NF1: variants seen among roughly 807,000 people sequenced by gnomAD.
NF1 encodes neurofibromin 1.
A neutral mutation model predicts 325.7 loss-of-function variants in NF1; 122 were observed. The ratio of observed to expected loss-of-function variants is 0.37; its 90% CI spans 0.32 to 0.44. NF1 has a LOEUF of 0.44. NF1 is among the 20% of genes least tolerant of loss of function. The probability of loss-of-function intolerance (pLI) is 1.00; values close to 1 mark genes in which losing one functional copy is unlikely to be tolerated. For missense variants in NF1, 2,140 were observed against 3,415.4 expected, an observed-to-expected ratio of 0.63 and a Z score of 9.31; for synonymous variants, 1,091 against 1,186.0, an observed-to-expected ratio of 0.92 and a Z score of 1.65.
At chr17:31,154,583 C>T (rs758387205) in intron 1 of NF1, among the ~76,000 whole-genome samples, 13 of 151,982 alleles carry the variant, frequency 8.6e-5, no homozygotes, top group Non-Finnish European at 1.3e-4. Flanking sequence ...TATCTGTGCT[C>T]GTAAACAAAA....
intron 12 of NF1, among the ~76,000 whole-genome samples, chr17:31,209,464 CTGTCACTTA>C (rs2066684868): frequency 6.6e-6 from 1 of 152,260 alleles, no homozygotes; most frequent in African/African-American, 2.4e-5. Context: ...AATCATGTCT[CTGTCACTTA>C]CAGCCATCAC....
At chr17:31,267,689 G>A (rs1228318231) in intron 36 of NF1, among the ~76,000 whole-genome samples, 1 of 152,132 alleles carries the variant, frequency 6.6e-6, no homozygotes, top group Non-Finnish European at 1.5e-5. Flanking sequence ...TTTTTGAATT[G>A]TGGATTTTCT....
chr17:31,185,769 G>T (rs1279236433), intron 8 of NF1, among the ~76,000 whole-genome samples: 1 of 152,214 alleles, frequency 6.6e-6, no homozygotes, highest in Non-Finnish European at 1.5e-5. Flanking sequence ...GGTCCAGGCT[G>T]CTGTGCAAGC....
At chr17:31,354,821 C>T (rs1311918487) in intron 51 of NF1, among the ~76,000 whole-genome samples, 1 of 150,912 alleles carries the variant, frequency 6.6e-6, no homozygotes, top group Non-Finnish European at 1.5e-5. Context: ...GACCCTGTCT[C>T]AAAAAAAACA....
At chr17:31,332,172 A>G (rs1289521943) in intron 39 of NF1, among the ~76,000 whole-genome samples, 1 of 152,082 alleles carries the variant, frequency 6.6e-6, no homozygotes, top group Non-Finnish European at 1.5e-5. Flanking sequence ...GAAATGATTA[A>G]TATCCTTAAT....
chr17:31,285,118 TAATA>T (rs950519214), intron 36 of NF1, among the ~76,000 whole-genome samples: 23 of 151,224 alleles, frequency 1.5e-4, no homozygotes, highest in Non-Finnish European at 1.5e-5. Flanking sequence ...GACTCCATCT[TAATA>T]AATAAATAGC....
intron 36 of NF1, chr17:31,321,061 C>T (rs2069175546): frequency 6.6e-6 from 1 of 152,196 alleles, no homozygotes; most frequent in Non-Finnish European, 1.5e-5. Context: ...CTTGCCCTTA[C>T]AAATGCCTGA....
At chr17:31,337,627 T>TA in intron 43 of NF1, 45 bp downstream of exon 43, 1 of 1,556,024 alleles carries the variant, frequency 6.4e-7, no homozygotes, top group Non-Finnish European at 8.8e-7. Flanking sequence ...AATCTTTTTT[T>TA]AAAAATATGT....
chr17:31,225,279 C>A, intron 17 of NF1, 29 bp downstream of exon 17: 1 of 1,609,712 alleles, frequency 6.2e-7, no homozygotes, highest in South Asian at 1.1e-5. Flanking sequence ...TTTTCTGTAT[C>A]ATTTTATGTG....
intron 50 of NF1, 96 bp from the exon 51 acceptor site, chr17:31,352,161 G>A: frequency 1.8e-6 from 2 of 1,137,704 alleles, no homozygotes; most frequent in Non-Finnish European, 2.6e-6. Flanking sequence ...ATTGATTGCT[G>A]TTGTTAGGAA....
At chr17:31,171,524 C>T (rs2065928235) in intron 5 of NF1, among the ~76,000 whole-genome samples, 2 of 151,966 alleles carry the variant, frequency 1.3e-5, no homozygotes, top group African/African-American at 2.4e-5. Flanking sequence ...ATGTTCAATC[C>T]GTAATAATTA....
At position 31,271,058 on chromosome 17, in the gene NF1, C is replaced by T. The variant is rs147776640; in HGVS notation, c.4835+5719C>T. 9.4e-3 allele frequency among the ~76,000 whole-genome samples: 1,425 copies of T among 152,288 alleles called. 28 individuals carry two copies. The highest frequency in any genetic ancestry group is 0.032 in the African/African-American group (1,340 of 41,550). ...AGCACAACTAGTAAGAATCAGAATT[C>T]GGTTTCAAACCTAAGCCAAAGCTCT... On this transcript the variant is annotated intron_variant, in intron 36 of 57. Coordinates refer to ENST00000358273, the MANE Select transcript of NF1 (RefSeq NM_001042492.3).
At chr17:31,244,975 C>A (rs1240287994) in intron 29 of NF1, among the ~76,000 whole-genome samples, 1 of 152,120 alleles carries the variant, frequency 6.6e-6, no homozygotes. Flanking sequence ...TAATTGAACA[C>A]AAATGTTCAT....
chr17:31,258,604 A>G (rs1458116651), intron 32 of NF1, 102 bp downstream of exon 32: 16 of 1,235,766 alleles, frequency 1.3e-5, no homozygotes, highest in Admixed American at 1.0e-4. Flanking sequence ...GAAATACCCT[A>G]TGGTTTTCAG....
chr17:31,269,303 T>C (rs574787615), intron 36 of NF1, among the ~76,000 whole-genome samples: 1 of 152,294 alleles, frequency 6.6e-6, no homozygotes, highest in East Asian at 1.9e-4. Flanking sequence ...TTTTCTAATC[T>C]TTTCCTTCTA....
At chr17:31,116,475 A>G (rs902331833) in intron 1 of NF1, among the ~76,000 whole-genome samples, 6 of 152,044 alleles carry the variant, frequency 3.9e-5, no homozygotes, top group Admixed American at 3.9e-4. Flanking sequence ...TCTAACTAGG[A>G]CCTGTCTAAC....
intron 57 of NF1, chr17:31,361,103 A>G (rs899805207): frequency 1.3e-5 from 2 of 159,234 alleles, no homozygotes; most frequent in Non-Finnish European, 2.7e-5. Context: ...AAAAAAAAAA[A>G]AAAAAGAAGA....
intron 46 of NF1, among the ~76,000 whole-genome samples, chr17:31,339,940 A>G (rs17885195): frequency 1.1e-3 from 169 of 152,310 alleles, no homozygotes; most frequent in African/African-American, 3.8e-3. Flanking sequence ...AGAACATTCT[A>G]GTTGTAATGG....
chr17:31,211,848 A>G (rs2066733713), intron 12 of NF1, among the ~76,000 whole-genome samples: 1 of 152,206 alleles, frequency 6.6e-6, no homozygotes, highest in African/African-American at 2.4e-5. Context: ...AGCCTAGGAC[A>G]TTACACTACT....
Sources: gnomAD v4.1 joint callset for allele counts (sites outside exome capture counted in the v4.1 genomes callset) on GRCh38, gnomAD v4.1.1 for gene constraint, MANE v1.5 for transcripts, NCBI Gene and HGNC (gene_info 2026-07-23, HGNC 2026-07-21) for gene names.